Variants in NSUN3 observed in about 807,000 individuals in gnomAD.
NSUN3 encodes the protein NOP2/Sun RNA methyltransferase 3, also known as tRNA (cytosine(34)-C(5))-methyltransferase, mitochondrial.
NSUN3 carries 24 observed loss-of-function variants against 36.8 expected under a neutral mutation model. The ratio of observed to expected loss-of-function variants is 0.65; its 90% CI spans 0.47 to 0.92. The LOEUF is 0.92. Ranked by LOEUF, NSUN3 falls within the 40% of genes least tolerant of loss-of-function variation. NSUN3 has a pLI of 0.00. For synonymous variants in NSUN3, 146 were observed against 145.2 expected, an observed-to-expected ratio of 1.01 and a Z score of -0.04; for missense variants, 381 against 392.8, an observed-to-expected ratio of 0.97 and a Z score of 0.25.
At chr3:94,063,599 G>T (rs992718649) in intron 1 of NSUN3, among the ~76,000 whole-genome samples, 1 of 151,962 alleles carries the variant, frequency 6.6e-6, no homozygotes, top group Non-Finnish European at 1.5e-5. Context: ...AATTTTTCTT[G>T]ATGTCAGCAT....
chr3:94,092,172 C>T (rs1407111181), intron 3 of NSUN3, among the ~76,000 whole-genome samples: 1 of 152,138 alleles, frequency 6.6e-6, no homozygotes, highest in Non-Finnish European at 1.5e-5. Flanking sequence ...GGACTTTAAC[C>T]AATGAGAGAA....
At chr3:94,094,391 C>T in intron 4 of NSUN3, 97 bp downstream of exon 4, 1 of 1,235,582 alleles carries the variant, frequency 8.1e-7, no homozygotes, top group Non-Finnish European at 1.1e-6. Flanking sequence ...TCAGACATAG[C>T]CTGATACAGT....
chr3:94,123,315 T>C (rs905131620), intron 5 of NSUN3, among the ~76,000 whole-genome samples: 1 of 152,214 alleles, frequency 6.6e-6, no homozygotes, highest in Non-Finnish European at 1.5e-5. Flanking sequence ...TATTTCCTCA[T>C]TTTACTAGAA....
At chr3:94,116,985 CTTTTTTTTTTTTTTT>C (rs60234250) in intron 5 of NSUN3, among the ~76,000 whole-genome samples, 4 of 63,958 alleles carry the variant, frequency 6.3e-5, no homozygotes, top group African/African-American at 1.3e-4. Flanking sequence ...TCTGCCACAA[CTTTTTTTTTTTTTTT>C]TTTTTTTTTT....
intron 5 of NSUN3, among the ~76,000 whole-genome samples, chr3:94,110,871 T>G (rs759823688): frequency 1.3e-5 from 2 of 151,880 alleles, no homozygotes; most frequent in Non-Finnish European, 2.9e-5. Flanking sequence ...TTCCTACTAG[T>G]TGCAATGCAG....
At chr3:94,091,973 T>C (rs942521541) in intron 3 of NSUN3, among the ~76,000 whole-genome samples, 1 of 152,210 alleles carries the variant, frequency 6.6e-6, no homozygotes, top group African/African-American at 2.4e-5. Context: ...CATGCAGTTA[T>C]CTTCTGCTAA....
intron 3 of NSUN3, among the ~76,000 whole-genome samples, chr3:94,086,361 T>G (rs1180310356): frequency 6.6e-6 from 1 of 152,208 alleles, no homozygotes; most frequent in Non-Finnish European, 1.5e-5. Context: ...TGCTTGTCAT[T>G]TGTAAAGTTG....
chr3:94,084,488 A>G (rs2077284401), intron 3 of NSUN3, 38 bp downstream of exon 3: 3 of 1,447,464 alleles, frequency 2.1e-6, no homozygotes, highest in Admixed American at 1.9e-5. Flanking sequence ...CAACTTTTTA[A>G]TATCTGTATG....
At chr3:94,122,005 C>T (rs2077464670) in intron 5 of NSUN3, among the ~76,000 whole-genome samples, 1 of 151,862 alleles carries the variant, frequency 6.6e-6, no homozygotes. Context: ...ATTAGCCAGG[C>T]GTGGTGGCAG....
chr3:94,063,399 A>G, intron 1 of NSUN3: 1 of 505,930 alleles, frequency 2.0e-6, no homozygotes, highest in East Asian at 2.9e-5. Flanking sequence ...TCTGTGTCAC[A>G]GCGGTATCCC....
At chr3:94,066,231 G>A (rs558064743) in intron 2 of NSUN3, among the ~76,000 whole-genome samples, 1 of 152,158 alleles carries the variant, frequency 6.6e-6, no homozygotes, top group South Asian at 2.1e-4. Context: ...AATTAGCTGT[G>A]CCTTCTGCTT....
chr3:94,093,906 G>A (rs896489601), intron 3 of NSUN3, among the ~76,000 whole-genome samples: 2 of 152,188 alleles, frequency 1.3e-5, no homozygotes, highest in African/African-American at 4.8e-5. Context: ...CTGAGAGACT[G>A]TGTAGGCATG....
chr3:94,126,694 AG>A lies in NSUN3; in HGVS notation c.*206del. ...GAAATATATCTGTAACAATGATTTA[AG>A]GTGGTGCAGATGGTGTTTGTTCTAT... On this transcript the variant is annotated 3_prime_UTR_variant, in exon 6 of 6. Coordinates refer to ENST00000314622, the MANE Select transcript of NSUN3 (RefSeq NM_022072.5). The A allele has an allele frequency of 1.9e-6, 1 of 517,824 alleles. No homozygotes were observed. The highest frequency in any genetic ancestry group is 3.0e-5 in the South Asian group (1 of 33,594). The allele number at this position is 517,824 out of a possible 1,614,324, so 32.1% of individuals were successfully genotyped here.
chr3:94,064,573 A>G (rs747748601), intron 2 of NSUN3, 27 bp downstream of exon 2: 1 of 1,354,300 alleles, frequency 7.4e-7, no homozygotes, highest in Admixed American at 1.7e-5. Flanking sequence ...TCGATGCTTT[A>G]TGATGGAACA....
chr3:94,099,270 C>T (rs1310165299), intron 5 of NSUN3, among the ~76,000 whole-genome samples: 2 of 151,976 alleles, frequency 1.3e-5, no homozygotes, highest in South Asian at 2.1e-4. Flanking sequence ...TTCTTAATAT[C>T]GTATAGCATT....
At position 94,102,221 on chromosome 3, in the gene NSUN3, A is replaced by AC. The variant is rs1439564599; in HGVS notation, c.743+7067_743+7068insC. On this transcript the variant is annotated intron_variant, in intron 5 of 5. Coordinates refer to ENST00000314622, the MANE Select transcript of NSUN3 (RefSeq NM_022072.5). ...AAACGTTAAAAAAAAAAAAAAAAAA[A>AC]AAAACACTAACATCTATTCTCTGAT... is the stretch of plus-strand genomic sequence containing the variant. Among the ~76,000 whole-genome samples the AC allele has an allele frequency of 7.3e-5, 11 of 151,548 alleles. No homozygotes were observed. In the East Asian group the frequency reaches 1.7e-3, roughly 24 times the overall value.
intron 3 of NSUN3, among the ~76,000 whole-genome samples, chr3:94,086,219 A>G (rs949334589): frequency 1.8e-4 from 28 of 152,270 alleles, no homozygotes; most frequent in African/African-American, 6.5e-4. Context: ...GCTGTGAGCC[A>G]CTGTGCCTGG....
intron 3 of NSUN3, among the ~76,000 whole-genome samples, chr3:94,087,112 T>G (rs1299342510): frequency 6.6e-6 from 1 of 152,186 alleles, no homozygotes; most frequent in Non-Finnish European, 1.5e-5. Flanking sequence ...TCAAGGGCAA[T>G]GAACTACAGG....
chr3:94,131,805 T>C lies in NSUN3; in HGVS notation c.*5315T>C, dbSNP rs1455391354. ...GCTGAACAGCCACTACTTTCAGAAA[T>C]AGACTGAATAAATGTAATGCATTTA... On this transcript the variant is annotated 3_prime_UTR_variant, in exon 6 of 6. Transcript: ENST00000314622. Among the ~76,000 whole-genome samples, 1 of 152,198 alleles carries C rather than the reference T, an allele frequency of 6.6e-6. No homozygotes were observed. Among genetic ancestry groups the C allele is most frequent in the Non-Finnish European group, 1.5e-5 (1 of 68,018 alleles).
Sources: gnomAD v4.1 joint callset for allele counts (sites outside exome capture counted in the v4.1 genomes callset) on GRCh38, gnomAD v4.1.1 for gene constraint, MANE v1.5 for transcripts, NCBI Gene and HGNC (gene_info 2026-07-23, HGNC 2026-07-21) for gene names.